ANKS1A: variants seen among roughly 807,000 people sequenced by gnomAD.
ANKS1A encodes the protein ankyrin repeat and SAM domain-containing protein 1A.
ANKS1A carries 55 observed loss-of-function variants against 120.3 expected under a neutral mutation model. The observed-to-expected ratio is 0.46, with a 90% CI of 0.37 to 0.57. ANKS1A has a LOEUF of 0.57. Ranked by LOEUF, ANKS1A falls within the 20% of genes least tolerant of loss-of-function variation. ANKS1A has a pLI of 0.00. For missense variants in ANKS1A, 1,123 were observed against 1,480.3 expected (o/e 0.76, Z 3.96); for synonymous variants, 590 against 604.7 (o/e 0.98, Z 0.36).
In ANKS1A at chr6:34,889,777, C is replaced by T. The variant is rs1766708489; in HGVS notation, c.197+178C>T. The stretch of plus-strand genomic sequence containing the variant: ...CGGAGGGCGCGCAGGTCCGAGTCCA[C>T]GCTGCTCCGGGCTCGCCTGGTCTCC... On this transcript the variant is annotated intron_variant, in intron 1 of 23. Coordinates refer to ENST00000360359, the MANE Select transcript of ANKS1A (RefSeq NM_015245.3). The surrounding 1 kb of genome is among the most constrained non-coding windows in gnomAD (Gnocchi z 5.5). Among the ~76,000 whole-genome samples the T allele has an allele frequency of 6.6e-6, 1 of 152,014 alleles. No homozygotes were observed. Among genetic ancestry groups the T allele is most frequent in the Non-Finnish European group, 1.5e-5 (1 of 67,968 alleles).
Position 34,934,678 on chromosome 6 carries a change from T to A in ANKS1A, c.198-32561T>A, listed in dbSNP as rs1037121583. On this transcript the variant is annotated intron_variant, in intron 1 of 23. Transcript: ENST00000360359. ...AAAAATCCTTGCTTCATAGTAAGTG[T>A]TGGAAAGTGGGCGTCGTGACAAGTT... Among the ~76,000 whole-genome samples, 8 of 152,252 alleles carry A rather than the reference T, an allele frequency of 5.3e-5. No homozygotes were observed. In the South Asian group the frequency reaches 1.0e-3, roughly 20 times the overall value.
chr6:34,996,733 A>G (rs1335943300), intron 10 of ANKS1A, among the ~76,000 whole-genome samples: 2 of 152,204 alleles, frequency 1.3e-5, no homozygotes, highest in Non-Finnish European at 2.9e-5. Context: ...GGCCTCCCAA[A>G]GTGCTGGGAT....
intron 10 of ANKS1A, among the ~76,000 whole-genome samples, chr6:34,995,862 C>T (rs1184036049): frequency 6.6e-6 from 1 of 152,202 alleles, no homozygotes; most frequent in Non-Finnish European, 1.5e-5. Flanking sequence ...TCACTAAAAA[C>T]ATTCACTTAC....
In ANKS1A at chr6:35,090,890, C is replaced by T. The variant is rs2296194; in HGVS notation, c.*2281C>T. The T allele has an allele frequency of 0.019, 18,935 of 985,654 alleles. 594 individuals carry two copies. In the East Asian group the frequency reaches 0.24, roughly 12 times the overall value. The allele number at this position is 985,654 out of a possible 1,614,324, so 61.1% of individuals were successfully genotyped here. A position where few individuals can be genotyped will look rare whatever the true frequency, so the allele number is the denominator to read the frequency against. ...TCTCCCCTGCCCACCAGCTGCTCAG[C>T]GCATAAGACCTTCCCGACAGGCTCT... On this transcript the variant is annotated 3_prime_UTR_variant, in exon 24 of 24. Transcript: ENST00000360359.
chr6:34,910,284 C>CGGGTG (rs1318480135), intron 1 of ANKS1A, among the ~76,000 whole-genome samples: 1 of 152,116 alleles, frequency 6.6e-6, no homozygotes, highest in Non-Finnish European at 1.5e-5. Flanking sequence ...ATATTACAGG[C>CGGGTG]GGGTCACAGT....
chr6:34,963,005 G>A (rs1241638292), intron 1 of ANKS1A, among the ~76,000 whole-genome samples: 1 of 151,458 alleles, frequency 6.6e-6, no homozygotes, highest in African/African-American at 2.4e-5. Flanking sequence ...GGGATTACAG[G>A]CATGTGCTAC....
chr6:35,077,722 G>C (rs141688795), intron 13 of ANKS1A, among the ~76,000 whole-genome samples: 2,123 of 152,290 alleles, frequency 0.014, 18 homozygotes, highest in African/African-American at 0.022. Context: ...TCCCCTCTTA[G>C]CTCCACCACT....
At chr6:35,019,094 T>C (rs1774196011) in intron 11 of ANKS1A, among the ~76,000 whole-genome samples, 1 of 152,166 alleles carries the variant, frequency 6.6e-6, no homozygotes, top group Non-Finnish European at 1.5e-5. Context: ...CCATTATTAG[T>C]TGGAAATATG....
chr6:35,070,287 A>T (rs1252748540), intron 13 of ANKS1A, among the ~76,000 whole-genome samples: 1 of 151,818 alleles, frequency 6.6e-6, no homozygotes, highest in Middle Eastern at 3.4e-3. Flanking sequence ...CTTAACCCCC[A>T]TCTTCCTAGA....
chr6:34,936,809 G>A (rs1769280294), intron 1 of ANKS1A, among the ~76,000 whole-genome samples: 1 of 152,140 alleles, frequency 6.6e-6, no homozygotes, highest in African/African-American at 2.4e-5. Flanking sequence ...ACCTAGATGA[G>A]CAAATTTATT....
chr6:34,970,097 G>T lies in ANKS1A; in HGVS notation c.366G>T (p.Trp122Cys). 3 of 1,614,120 alleles carry T rather than the reference G, an allele frequency of 1.9e-6. No individual in the cohort carries two copies. Among genetic ancestry groups the T allele is most frequent in the Non-Finnish European group, 2.5e-6 (3 of 1,180,006 alleles). ...KGCYPLHLAA[W>C]KGDAQIVRLL... ...GCTACCCTCTGCATTTGGCAGCCTG[G>T]AAAGGAGATGCCCAGATAGTGCGGT... The change falls in exon 3 of 24, where the codon TGG becomes TGT. Residue 122 changes from tryptophan (W) to cysteine (C), a missense_variant. Trp to Cys is a radical substitution (Grantham distance 215, BLOSUM62 -2). Around this residue, in one of 3 missense-constraint regions of ANKS1A, gnomAD observed 146 missense variants for 267.8 expected, o/e 0.55. Coordinates refer to ENST00000360359, the MANE Select transcript of ANKS1A (RefSeq NM_015245.3).
chr6:35,033,548 A>G (rs1369847771), intron 11 of ANKS1A, among the ~76,000 whole-genome samples: 2 of 152,224 alleles, frequency 1.3e-5, no homozygotes, highest in African/African-American at 4.8e-5. Context: ...GGGTCTGGCC[A>G]TGCTCCAGTT....
chr6:34,945,422 G>A (rs1299897035), intron 1 of ANKS1A, among the ~76,000 whole-genome samples: 1 of 152,162 alleles, frequency 6.6e-6, no homozygotes, highest in Non-Finnish European at 1.5e-5. Context: ...TAAGGTCTGT[G>A]TCTAGATTCA....
intron 1 of ANKS1A, among the ~76,000 whole-genome samples, chr6:34,914,693 C>G (rs762249883): frequency 6.6e-6 from 1 of 152,148 alleles, no homozygotes; most frequent in African/African-American, 2.4e-5. Context: ...AAAAACAGGC[C>G]TTTGGGCTTC....
chr6:34,968,859 A>G (rs1434911236), intron 2 of ANKS1A, among the ~76,000 whole-genome samples: 1 of 152,202 alleles, frequency 6.6e-6, no homozygotes, highest in African/African-American at 2.4e-5. Context: ...GACCCACCCT[A>G]ATTGACTCCA....
At chr6:34,953,296 CAGGA>C (rs1263179351) in intron 1 of ANKS1A, among the ~76,000 whole-genome samples, 5 of 152,150 alleles carry the variant, frequency 3.3e-5, no homozygotes, top group Non-Finnish European at 1.5e-5. Context: ...AGGAGTTCTA[CAGGA>C]AGTTCTTGAA....
intron 3 of ANKS1A, among the ~76,000 whole-genome samples, chr6:34,977,855 A>G (rs1164433309): frequency 3.9e-5 from 6 of 152,180 alleles, no homozygotes; most frequent in South Asian, 2.1e-4. Context: ...TAACTTCAGT[A>G]TCTGCCAACA....
intron 10 of ANKS1A, 23 bp downstream of exon 10, chr6:34,994,445 C>G: frequency 6.2e-7 from 1 of 1,606,370 alleles, no homozygotes; most frequent in Non-Finnish European, 8.5e-7. Context: ...CAACTCCTGG[C>G]AGAACCAACT....
chr6:35,083,638 T>C (rs1777805546), intron 20 of ANKS1A, 135 bp downstream of exon 20: 1 of 811,684 alleles, frequency 1.2e-6, no homozygotes, highest in Non-Finnish European at 2.0e-6. Context: ...CTCTTATTAC[T>C]TCCCACTTTG....
Sources: gnomAD v4.1 joint callset for allele counts (sites outside exome capture counted in the v4.1 genomes callset) on GRCh38, gnomAD v4.1.1 for gene constraint, gnomAD v4.1.1 regional missense constraint, Gnocchi (gnomAD v3.1) non-coding constraint, MANE v1.5 for transcripts, NCBI Gene and HGNC (gene_info 2026-07-23, HGNC 2026-07-21) for gene names.